The following CYTH3 variants were observed in gnomAD, a reference collection of about 807,000 sequenced individuals.
CYTH3 encodes the protein cytohesin-3.
Under a neutral mutation model 55.1 loss-of-function variants are expected in CYTH3, and 23 were observed. That is an observed-to-expected ratio of 0.42 (90% confidence interval 0.30 to 0.59). The LOEUF is 0.59. Among genes scored for constraint, CYTH3 ranks in the 20% least tolerant of loss-of-function variants. The pLI is 0.20. For synonymous variants in CYTH3, 249 were observed against 194.9 expected, an observed-to-expected ratio of 1.28 and a Z score of -2.31; for missense variants, 413 against 524.8, an observed-to-expected ratio of 0.79 and a Z score of 2.08.
intron 1 of CYTH3, among the ~76,000 whole-genome samples, chr7:6,250,239 G>T (rs116826442): frequency 0.017 from 2,649 of 152,254 alleles, 89 homozygotes; most frequent in African/African-American, 0.061. Context: ...CAGACAACAT[G>T]ATTCTACTCC....
chr7:6,207,674 G>A (rs1784226019), intron 1 of CYTH3, among the ~76,000 whole-genome samples: 1 of 150,908 alleles, frequency 6.6e-6, no homozygotes, highest in Non-Finnish European at 1.5e-5. Context: ...AAAAGGCTGG[G>A]CGCAGTGACT....
chr7:6,179,238 C>T (rs528814391), intron 4 of CYTH3, among the ~76,000 whole-genome samples: 1 of 152,278 alleles, frequency 6.6e-6, no homozygotes, highest in African/African-American at 2.4e-5. Flanking sequence ...ATCTCACAGA[C>T]ATGATATGGA....
chr7:6,257,993 A>G (rs1780173732), intron 1 of CYTH3, among the ~76,000 whole-genome samples: 1 of 152,156 alleles, frequency 6.6e-6, no homozygotes, highest in South Asian at 2.1e-4. Flanking sequence ...TCCAGGTCCA[A>G]CAAAGTCTAG....
intron 1 of CYTH3, among the ~76,000 whole-genome samples, chr7:6,267,397 A>G (rs3963932): frequency 1.3e-5 from 2 of 152,260 alleles, no homozygotes; most frequent in African/African-American, 4.8e-5. Flanking sequence ...ATATACTCTA[A>G]GCATAATCTA....
chr7:6,214,061 C>G (rs1301420011), intron 1 of CYTH3, among the ~76,000 whole-genome samples: 1 of 152,072 alleles, frequency 6.6e-6, no homozygotes, highest in Non-Finnish European at 1.5e-5. Flanking sequence ...TTTATAGGGC[C>G]CATCTTGGAC....
chr7:6,236,028 G>A (rs1779513034), intron 1 of CYTH3, among the ~76,000 whole-genome samples: 1 of 152,134 alleles, frequency 6.6e-6, no homozygotes, highest in South Asian at 2.1e-4. Context: ...AGTCACACAT[G>A]CATATCCCCT....
intron 1 of CYTH3, among the ~76,000 whole-genome samples, chr7:6,202,860 G>A (rs1056792328): frequency 6.6e-6 from 1 of 152,146 alleles, no homozygotes; most frequent in African/African-American, 2.4e-5. Flanking sequence ...AAGGAGTAAA[G>A]TTTTAAAACT....
intron 1 of CYTH3, among the ~76,000 whole-genome samples, chr7:6,240,382 A>C (rs1367730888): frequency 6.6e-6 from 1 of 152,078 alleles, no homozygotes; most frequent in Non-Finnish European, 1.5e-5. Flanking sequence ...AAAAACAAGC[A>C]AGCAAGAATA....
At chr7:6,187,252 G>A (rs1272782952) in intron 3 of CYTH3, 136 bp from the exon 4 acceptor site, 3 of 836,638 alleles carry the variant, frequency 3.6e-6, no homozygotes, top group African/African-American at 3.4e-5. Flanking sequence ...GGGGCCCCCA[G>A]TCTCCGCAGT....
rs558816511 is a variant in CYTH3, at chr7:6,190,606, T to A, written c.35-75A>T. On this transcript the variant is annotated intron_variant, in intron 1 of 12. Coordinates refer to ENST00000350796, the MANE Select transcript of CYTH3 (RefSeq NM_004227.4). ...ATCCAGCAAGGTTGAGGTGGGTACATGCTGCCACCCAGCAATTCCATACGC... is the reference window on the plus strand; with the variant it reads ...ATCCAGCAAGGTTGAGGTGGGTACAAGCTGCCACCCAGCAATTCCATACGC... The A allele has an allele frequency of 1.4e-5, 16 of 1,162,504 alleles. No individual in the cohort carries two copies. The East Asian group carries it at 3.7e-4, about 27-fold the overall frequency. The allele number at this position is 1,162,504 out of a possible 1,614,324, so 72.0% of individuals were successfully genotyped here.
intron 1 of CYTH3, among the ~76,000 whole-genome samples, chr7:6,223,836 T>TAAAAAAAAAAAAAAAA: frequency 4.1e-5 from 1 of 24,282 alleles, no homozygotes; most frequent in Non-Finnish European, 9.0e-5. Context: ...CAATAAATAC[T>TAAAAAAAAAAAAAAAA]AAAAAAAAAA....
chr7:6,171,349 A>G lies in CYTH3; in HGVS notation c.450-35T>C, dbSNP rs766807603. 6.2e-7 allele frequency: 1 copy of G among 1,604,468 alleles called. No individual in the cohort carries two copies. The highest frequency in any genetic ancestry group is 1.3e-5 in the African/African-American group (1 of 74,756). On this transcript the variant is annotated intron_variant, in intron 6 of 12. Transcript: ENST00000350796. This position sits in a 1 kb window ranked among gnomAD's most constrained non-coding sequence, Gnocchi z 6.7. Reference sequence around the variant, plus strand: ...CACCAAAGCCATGGGAAGCCGCATCAGAACCAACACCGCCTCACGGCCAAG... The same window carrying G: ...CACCAAAGCCATGGGAAGCCGCATCGGAACCAACACCGCCTCACGGCCAAG...
intron 1 of CYTH3, among the ~76,000 whole-genome samples, chr7:6,194,646 T>A (rs775796153): frequency 6.6e-6 from 1 of 151,806 alleles, no homozygotes; most frequent in Non-Finnish European, 1.5e-5. Flanking sequence ...ACAGAAGATA[T>A]GTACCAATAA....
At chr7:6,272,268 G>T (rs1319306790) in intron 1 of CYTH3, among the ~76,000 whole-genome samples, 1 of 150,118 alleles carries the variant, frequency 6.7e-6, no homozygotes, top group Admixed American at 6.6e-5. Flanking sequence ...GCCGAACGGC[G>T]ACCCCGGCCC....
chr7:6,227,815 T>C (rs754516449), intron 1 of CYTH3, among the ~76,000 whole-genome samples: 1 of 152,212 alleles, frequency 6.6e-6, no homozygotes. Context: ...CTGAACATGA[T>C]GGTTTCCCAA....
chr7:6,192,090 T>G lies in CYTH3; in HGVS notation c.35-1559A>C, dbSNP rs547251155. On this transcript the variant is annotated intron_variant, in intron 1 of 12. Transcript: ENST00000350796. ...TCCAGTCTGGGCAACACAGAATCTGTGTCTCAAAAAAAAATTAATAAATAA... is the reference window on the plus strand; with the variant it reads ...TCCAGTCTGGGCAACACAGAATCTGGGTCTCAAAAAAAAATTAATAAATAA... 4.9e-4 allele frequency among the ~76,000 whole-genome samples: 75 copies of G among 152,150 alleles called. 1 individual carries two copies. Among genetic ancestry groups the G allele is most frequent in the African/African-American group, 1.7e-3 (70 of 41,524 alleles).
intron 1 of CYTH3, among the ~76,000 whole-genome samples, chr7:6,198,774 T>TAA (rs57184967): frequency 7.3e-6 from 1 of 136,826 alleles, no homozygotes; most frequent in Non-Finnish European, 1.6e-5. Context: ...ATAAAGCTGC[T>TAA]AAAAAAAAAA....
intron 2 of CYTH3, chr7:6,188,903 T>A (rs530705410): frequency 7.2e-5 from 11 of 152,292 alleles, no homozygotes; most frequent in Admixed American, 5.9e-4. Flanking sequence ...AGAAGAAAAA[T>A]TTCCATGAAT....
intron 10 of CYTH3, 37 bp from the exon 11 acceptor site, chr7:6,165,653 G>C: frequency 6.2e-7 from 1 of 1,613,040 alleles, no homozygotes; most frequent in South Asian, 1.1e-5. Context: ...CTCACTGTGG[G>C]TCACCAGCCT....
Sources: gnomAD v4.1 joint callset for allele counts (sites outside exome capture counted in the v4.1 genomes callset) on GRCh38, gnomAD v4.1.1 for gene constraint, Gnocchi (gnomAD v3.1) non-coding constraint, MANE v1.5 for transcripts, NCBI Gene and HGNC (gene_info 2026-07-23, HGNC 2026-07-21) for gene names.